The following SMYD3 variants were observed in gnomAD, a reference collection of about 807,000 sequenced individuals.
The protein encoded by SMYD3 is SET and MYND domain containing 3.
Under a neutral mutation model 57.7 loss-of-function variants are expected in SMYD3, and 36 were observed. The ratio of observed to expected loss-of-function variants is 0.62; its 90% confidence interval spans 0.48 to 0.82. The LOEUF (loss-of-function observed/expected upper bound fraction) is 0.82. Ranked by LOEUF, SMYD3 falls within the 40% of genes least tolerant of loss-of-function variation. The probability of loss-of-function intolerance (pLI) is 0.00; values close to 1 mark genes in which losing one functional copy is unlikely to be tolerated. For missense variants in SMYD3, 515 were observed against 538.8 expected, an observed-to-expected ratio of 0.96 and a Z score of 0.44; for synonymous variants, 211 against 195.0, an observed-to-expected ratio of 1.08 and a Z score of -0.68.
At chr1:246,397,588 T>C (rs1427903111) in intron 1 of SMYD3, among the ~76,000 whole-genome samples, 1 of 152,084 alleles carries the variant, frequency 6.6e-6, no homozygotes, top group Non-Finnish European at 1.5e-5. Flanking sequence ...GTAGGAAAAA[T>C]ATACCTAGAC....
chr1:246,047,325 A>G (rs1195238962), intron 5 of SMYD3, among the ~76,000 whole-genome samples: 1 of 152,242 alleles, frequency 6.6e-6, no homozygotes, highest in Non-Finnish European at 1.5e-5. Context: ...ACAATTAACC[A>G]GATAGCACAG....
chr1:246,273,901 A>G (rs1409850774), intron 5 of SMYD3, among the ~76,000 whole-genome samples: 2 of 151,918 alleles, frequency 1.3e-5, no homozygotes, highest in African/African-American at 2.4e-5. Flanking sequence ...TTGCTTTCCT[A>G]TTCTCTATTT....
At chr1:246,416,885 T>C (rs1448738151) in intron 1 of SMYD3, among the ~76,000 whole-genome samples, 1 of 152,094 alleles carries the variant, frequency 6.6e-6, no homozygotes, top group Non-Finnish European at 1.5e-5. Flanking sequence ...CCTTAAGAAA[T>C]ACAATTCTCT....
In SMYD3 at chr1:246,124,244, A is replaced by C. The variant is rs1242755578; in HGVS notation, c.532-194307T>G. On this transcript the variant is annotated intron_variant, in intron 5 of 11. Coordinates refer to ENST00000490107, the MANE Select transcript of SMYD3 (RefSeq NM_001167740.2). ...TTGTCACTAATTGGCTGTGGATTTA[A>C]GGCAAGTCACTTAACCTCTCTAGTT... 2.0e-5 allele frequency among the ~76,000 whole-genome samples: 3 copies of C among 152,226 alleles called. No individual in the cohort carries two copies. The East Asian group carries it at 5.8e-4, about 29-fold the overall frequency.
At chr1:245,927,098 C>T (rs1456669340) in intron 7 of SMYD3, among the ~76,000 whole-genome samples, 3 of 152,184 alleles carry the variant, frequency 2.0e-5, no homozygotes, top group Non-Finnish European at 4.4e-5. Context: ...TAAAAGCTTT[C>T]AGTACTGTTT....
At chr1:246,317,766 T>A (rs1346271680) in intron 5 of SMYD3, among the ~76,000 whole-genome samples, 6 of 152,180 alleles carry the variant, frequency 3.9e-5, no homozygotes, top group Non-Finnish European at 8.8e-5. Context: ...TTTAAAATAA[T>A]TTTTTTAAAG....
At chr1:246,009,726 T>C (rs887231546) in intron 5 of SMYD3, among the ~76,000 whole-genome samples, 2 of 151,234 alleles carry the variant, frequency 1.3e-5, no homozygotes, top group Non-Finnish European at 2.9e-5. Flanking sequence ...ACCTTCAAAA[T>C]TATTGTTGTG....
intron 5 of SMYD3, among the ~76,000 whole-genome samples, chr1:246,133,867 A>G (rs1195859606): frequency 6.6e-6 from 1 of 152,172 alleles, no homozygotes; most frequent in Non-Finnish European, 1.5e-5. Context: ...TGTAGCTACT[A>G]TTTATATAAT....
chr1:246,106,287 C>A lies in SMYD3; in HGVS notation c.532-176350G>T, dbSNP rs145646875. 2.5e-3 allele frequency among the ~76,000 whole-genome samples: 388 copies of A among 152,330 alleles called. 3 individuals are homozygous for A. The highest frequency in any genetic ancestry group is 8.7e-3 in the African/African-American group (360 of 41,578). The stretch of plus-strand genomic sequence containing the variant: ...ACCACGACGGCAGCAGATAAAATCC[C>A]TGAGGTTATAAGCATACAACAAAAT... On this transcript the variant is annotated intron_variant, in intron 5 of 11. Coordinates refer to ENST00000490107, the MANE Select transcript of SMYD3 (RefSeq NM_001167740.2).
intron 1 of SMYD3, among the ~76,000 whole-genome samples, chr1:246,470,070 G>A (rs1017084200): frequency 2.6e-5 from 4 of 152,002 alleles, no homozygotes; most frequent in South Asian, 2.1e-4. Flanking sequence ...AATCTAATTC[G>A]GTTTTTTTAT....
In SMYD3 at chr1:246,257,168, A is replaced by G. The variant is rs573230287; in HGVS notation, c.531+70033T>C. ...TGAGTGAAGTGTTCTGTAGATGCCT[A>G]TTAAGTCCAATTGGTCAAGTGTTTA... On this transcript the variant is annotated intron_variant, in intron 5 of 11. Transcript: ENST00000490107. Among the ~76,000 whole-genome samples the G allele has an allele frequency of 2.0e-5, 3 of 152,322 alleles. No individual in the cohort carries two copies. The South Asian group carries it at 6.2e-4, about 32-fold the overall frequency.
chr1:246,501,507 A>G (rs920628040), intron 1 of SMYD3, among the ~76,000 whole-genome samples: 5 of 152,140 alleles, frequency 3.3e-5, no homozygotes, highest in African/African-American at 1.2e-4. Context: ...TATCAAGTCA[A>G]CCCATTATCT....
chr1:245,965,513 G>C (rs1483221672), intron 5 of SMYD3, among the ~76,000 whole-genome samples: 17 of 152,126 alleles, frequency 1.1e-4, no homozygotes. Flanking sequence ...AGGTGAACAG[G>C]TAAACTGTGG....
intron 5 of SMYD3, among the ~76,000 whole-genome samples, chr1:246,195,504 A>G (rs368939254): frequency 1.1e-4 from 16 of 152,318 alleles, no homozygotes; most frequent in South Asian, 8.3e-4. Flanking sequence ...TCAGAGGTAC[A>G]TTCACATCCT....
In SMYD3 at chr1:245,766,352, A is replaced by G. The variant is rs1447269499; in HGVS notation, c.1077-2203T>C. On this transcript the variant is annotated intron_variant, in intron 10 of 11. Transcript: ENST00000490107. The stretch of plus-strand genomic sequence containing the variant: ...GAGGCAGAGGCTGCAGTGAGCCGAG[A>G]TTGCAGCACTGCACTCCAGCCTGGG... 1.2e-4 allele frequency among the ~76,000 whole-genome samples: 17 copies of G among 145,826 alleles called. No homozygotes were observed. In the Admixed American group the frequency reaches 1.2e-3, roughly 10 times the overall value.
At chr1:246,063,913 TAGAGGCGTA>T in intron 5 of SMYD3, among the ~76,000 whole-genome samples, 1 of 152,292 alleles carries the variant, frequency 6.6e-6, no homozygotes, top group Middle Eastern at 3.4e-3. Context: ...GTGCTGGGAT[TAGAGGCGTA>T]AGCCACCACG....
At chr1:246,246,636 C>A (rs1273340587) in intron 5 of SMYD3, among the ~76,000 whole-genome samples, 1 of 152,018 alleles carries the variant, frequency 6.6e-6, no homozygotes, top group African/African-American at 2.4e-5. Context: ...ATACCACCTA[C>A]TGGACACTTT....
In SMYD3 at chr1:246,338,963, C is replaced by T. The variant is rs140069269; in HGVS notation, c.229-3489G>A. The stretch of plus-strand genomic sequence containing the variant: ...CAGTTCTCCACAATGAAGAATTATC[C>T]AAATCCAATGCAACTTTCAAGTGTC... On this transcript the variant is annotated intron_variant, in intron 2 of 11. Coordinates refer to ENST00000490107, the MANE Select transcript of SMYD3 (RefSeq NM_001167740.2). Among the ~76,000 whole-genome samples the T allele has an allele frequency of 6.9e-3, 1,052 of 152,274 alleles. 13 individuals are homozygous for T. Among genetic ancestry groups the T allele is most frequent in the African/African-American group, 0.024 (990 of 41,552 alleles).
chr1:246,341,747 T>C (rs2148681775), intron 2 of SMYD3, among the ~76,000 whole-genome samples: 1 of 152,322 alleles, frequency 6.6e-6, no homozygotes, highest in East Asian at 1.9e-4. Flanking sequence ...TATTTCCCTC[T>C]CCTCTTTACA....
Sources: gnomAD v4.1 joint callset for allele counts (sites outside exome capture counted in the v4.1 genomes callset) on GRCh38, gnomAD v4.1.1 for gene constraint, MANE v1.5 for transcripts, NCBI Gene and HGNC (gene_info 2026-07-23, HGNC 2026-07-21) for gene names.